CEMIP2: variants seen among roughly 807,000 people sequenced by gnomAD.
CEMIP2 encodes cell migration inducing hyaluronidase 2, also known as cell surface hyaluronidase CEMIP2.
CEMIP2 carries 79 observed loss-of-function variants against 146.9 expected under a neutral mutation model. That is an observed-to-expected ratio of 0.54 (90% confidence interval 0.45 to 0.65). CEMIP2 has a LOEUF of 0.65. CEMIP2 is among the 30% of genes least tolerant of loss of function. CEMIP2 has a pLI of 0.00. For missense variants in CEMIP2, 1,596 were observed against 1,696.2 expected, an observed-to-expected ratio of 0.94 and a Z score of 1.04; for synonymous variants, 601 against 606.3, an observed-to-expected ratio of 0.99 and a Z score of 0.13.
intron 1 of CEMIP2, among the ~76,000 whole-genome samples, chr9:71,761,596 T>A (rs10122346): frequency 0.026 from 3,963 of 152,320 alleles, 154 homozygotes; most frequent in African/African-American, 0.089. Flanking sequence ...ATAGCCTATT[T>A]TTAATATAAC....
At chr9:71,750,949 A>T (rs1428715300) in intron 1 of CEMIP2, among the ~76,000 whole-genome samples, 1 of 149,684 alleles carries the variant, frequency 6.7e-6, no homozygotes, top group African/African-American at 2.5e-5. Context: ...ATCCTGCTAT[A>T]TTGCCTAGGC....
At chr9:71,756,304 C>CAT (rs527911282) in intron 1 of CEMIP2, among the ~76,000 whole-genome samples, 6 of 146,928 alleles carry the variant, frequency 4.1e-5, no homozygotes, top group African/African-American at 1.3e-4. Context: ...ATATACCTAG[C>CAT]ATATATATAT....
chr9:71,741,631 G>GTTTTTTTTTTTTTTTTTTTTTT (rs11334265), intron 4 of CEMIP2, among the ~76,000 whole-genome samples: 2 of 73,166 alleles, frequency 2.7e-5, no homozygotes, highest in African/African-American at 5.4e-5. Context: ...TTCTTTTCTG[G>GTTTTTTTTTTTTTTTTTTTTTT]TTTTTTTTTT....
At chr9:71,705,290 T>C (rs1350877658) in intron 17 of CEMIP2, among the ~76,000 whole-genome samples, 1 of 151,384 alleles carries the variant, frequency 6.6e-6, no homozygotes, top group Non-Finnish European at 1.5e-5. Flanking sequence ...TTTTCACCCA[T>C]TCAAAAAAAA....
Position 71,725,722 on chromosome 9 carries a change from G to A in CEMIP2, c.2050-13C>T, listed in dbSNP as rs1221359923. ...ATATTCCAGCATCCTACAAATGAAA[G>A]GACAAGCCCATTAAAAGCCTAATTT... is the stretch of plus-strand genomic sequence containing the variant. On this transcript the variant is annotated splice_polypyrimidine_tract_variant and intron_variant, in intron 10 of 23. Coordinates refer to ENST00000377044, the MANE Select transcript of CEMIP2 (RefSeq NM_013390.3). 1 of 1,607,816 alleles carries A rather than the reference G, an allele frequency of 6.2e-7. No homozygotes were observed. Among genetic ancestry groups the A allele is most frequent in the Non-Finnish European group, 8.5e-7 (1 of 1,177,336 alleles).
At chr9:71,714,789 A>C (rs1377282290) in intron 15 of CEMIP2, 145 bp downstream of exon 15, 1 of 723,086 alleles carries the variant, frequency 1.4e-6, no homozygotes, top group African/African-American at 1.8e-5. Flanking sequence ...TAGCAGCTGT[A>C]GCAGTAGTAG....
chr9:71,731,023 C>T (rs948415034), intron 7 of CEMIP2, 109 bp from the exon 8 acceptor site: 2 of 864,724 alleles, frequency 2.3e-6, no homozygotes, highest in South Asian at 1.8e-5. Context: ...TTAAAACATT[C>T]GATTTTCTTT....
intron 15 of CEMIP2, among the ~76,000 whole-genome samples, chr9:71,712,671 C>T (rs60365848): frequency 0.057 from 8,679 of 152,126 alleles, 273 homozygotes; most frequent in South Asian, 0.069. Context: ...GACAAGTCTG[C>T]GCTTAGGCAG....
intron 16 of CEMIP2, among the ~76,000 whole-genome samples, chr9:71,710,126 C>T (rs1466490854): frequency 6.6e-6 from 1 of 152,174 alleles, no homozygotes; most frequent in Non-Finnish European, 1.5e-5. Flanking sequence ...TCTCGCTCCT[C>T]AATACAGACC....
intron 4 of CEMIP2, 38 bp downstream of exon 4, chr9:71,744,980 C>T (rs780298443): frequency 8.6e-5 from 136 of 1,579,770 alleles, no homozygotes; most frequent in Non-Finnish European, 1.1e-4. Context: ...CACACAGACA[C>T]GGACTCTGAT....
At position 71,767,228 on chromosome 9, in the gene CEMIP2, T is replaced by C. The variant is rs189881019; in HGVS notation, c.-13+1129A>G. Among the ~76,000 whole-genome samples, 160 of 152,278 alleles carry C rather than the reference T, an allele frequency of 1.1e-3. 1 individual carries two copies. Among genetic ancestry groups the C allele is most frequent in the Middle Eastern group, 3.4e-3 (1 of 294 alleles). ...TTAACACTGAGCCATTTCCAACAGA[T>C]TTGCCTGGCTGCTCTGGGGAGTCAG... On this transcript the variant is annotated intron_variant, in intron 1 of 23. Coordinates refer to ENST00000377044, the MANE Select transcript of CEMIP2 (RefSeq NM_013390.3).
Position 71,704,904 on chromosome 9 carries a change from A to G in CEMIP2, c.2986-101T>C, listed in dbSNP as rs1275055142. The G allele has an allele frequency of 1.2e-5, 13 of 1,124,642 alleles. No homozygotes were observed. The East Asian group carries it at 3.0e-4, about 26-fold the overall frequency. The allele number at this position is 1,124,642 out of a possible 1,614,324, so 69.7% of individuals were successfully genotyped here. On this transcript the variant is annotated intron_variant, in intron 17 of 23. Coordinates refer to ENST00000377044, the MANE Select transcript of CEMIP2 (RefSeq NM_013390.3). Reference sequence around the variant, plus strand: ...TCAAGTGTCTCAACTTTGAAAAGGGAGATTCTGTGATCTGTGCCAGACTAA... The same window carrying G: ...TCAAGTGTCTCAACTTTGAAAAGGGGGATTCTGTGATCTGTGCCAGACTAA...
intron 1 of CEMIP2, among the ~76,000 whole-genome samples, chr9:71,753,582 C>G (rs985974963): frequency 6.6e-6 from 1 of 152,076 alleles, no homozygotes; most frequent in East Asian, 1.9e-4. Context: ...AATGTATAAG[C>G]AGCAAATACA....
At chr9:71,746,678 TC>T (rs1397365210) in intron 2 of CEMIP2, among the ~76,000 whole-genome samples, 1 of 149,444 alleles carries the variant, frequency 6.7e-6, no homozygotes, top group East Asian at 2.0e-4. Flanking sequence ...AATTATACAT[TC>T]TCTTGGGATT....
intron 1 of CEMIP2, among the ~76,000 whole-genome samples, chr9:71,766,503 G>A (rs1018667772): frequency 4.6e-5 from 7 of 152,162 alleles, no homozygotes; most frequent in African/African-American, 1.7e-4. Flanking sequence ...CCTCCAGCTT[G>A]TCTTTTCTTG....
chr9:71,695,623 G>A lies in CEMIP2; in HGVS notation c.3598-1016C>T, dbSNP rs557796590. Among the ~76,000 whole-genome samples, 95 of 152,214 alleles carry A rather than the reference G, an allele frequency of 6.2e-4. 1 individual carries two copies. The highest frequency in any genetic ancestry group is 3.4e-3 in the Middle Eastern group (1 of 294). On this transcript the variant is annotated intron_variant, in intron 20 of 23. Coordinates refer to ENST00000377044, the MANE Select transcript of CEMIP2 (RefSeq NM_013390.3). The stretch of plus-strand genomic sequence containing the variant: ...TGGGCGATGAAGGTTGCAGTGAGCT[G>A]AGATCGTACCACTGCTCTCTAGCCT...
intron 15 of CEMIP2, 119 bp from the exon 16 acceptor site, chr9:71,712,379 C>T (rs886693152): frequency 2.3e-6 from 2 of 876,696 alleles, no homozygotes; most frequent in Middle Eastern, 5.6e-4. Flanking sequence ...TTCTAGGATA[C>T]AGTAGGAGCC....
At chr9:71,720,392 G>A (rs988466106) in intron 12 of CEMIP2, among the ~76,000 whole-genome samples, 4 of 152,202 alleles carry the variant, frequency 2.6e-5, no homozygotes, top group African/African-American at 9.6e-5. Context: ...CAGGGTTCAA[G>A]TGATTCTCCT....
intron 7 of CEMIP2, among the ~76,000 whole-genome samples, chr9:71,731,657 A>C (rs1216523550): frequency 6.6e-6 from 1 of 151,798 alleles, no homozygotes; most frequent in Non-Finnish European, 1.5e-5. Flanking sequence ...ACTTGATCCC[A>C]GGATATTGAG....
Sources: allele counts gnomAD v4.1 joint callset (sites outside exome capture counted in the v4.1 genomes callset), GRCh38; gene constraint gnomAD v4.1.1; transcripts MANE v1.5; gene names NCBI Gene and HGNC (gene_info 2026-07-23, HGNC 2026-07-21).